Variants in ADSL observed in about 807,000 individuals in gnomAD.
ADSL encodes the protein adenylosuccinate lyase.
A neutral mutation model predicts 62.1 loss-of-function variants in ADSL; 44 were observed. The observed-to-expected ratio is 0.71, with a 90% CI of 0.56 to 0.91. The LOEUF (loss-of-function observed/expected upper bound fraction) is 0.91. ADSL is among the 40% of genes least tolerant of loss of function. The probability of loss-of-function intolerance (pLI) is 0.00; values close to 1 mark genes in which losing one functional copy is unlikely to be tolerated. For missense variants in ADSL, 531 were observed against 627.4 expected, an observed-to-expected ratio of 0.85 and a Z score of 1.64; for synonymous variants, 198 against 220.5, an observed-to-expected ratio of 0.90 and a Z score of 0.90.
At chr22:40,382,749 T>C (rs993425938) in intron 2 of ADSL, among the ~76,000 whole-genome samples, 1 of 152,234 alleles carries the variant, frequency 6.6e-6, no homozygotes, top group African/African-American at 2.4e-5. Flanking sequence ...CGTTATATTG[T>C]GTTAGCCCAT....
chr22:40,360,215 G>A (rs1213190210), intron 6 of ADSL, among the ~76,000 whole-genome samples, 187 bp from the exon 7 acceptor site: 5 of 152,168 alleles, frequency 3.3e-5, no homozygotes, highest in Non-Finnish European at 7.3e-5. Flanking sequence ...TTCCTTGTTT[G>A]ACAGAGTCAT....
downstream of ADSL, chr22:40,373,025 T>C (rs117688975): frequency 2.0e-5 from 3 of 152,320 alleles, no homozygotes; most frequent in East Asian, 3.9e-4. Context: ...CCATCACATA[T>C]TATACACAGA....
chr22:40,373,865 A>G (rs1289866113), downstream of ADSL, among the ~76,000 whole-genome samples: 2 of 151,442 alleles, frequency 1.3e-5, no homozygotes, highest in Non-Finnish European at 3.0e-5. Context: ...CCGCCCTCCT[A>G]GGCCTTCCAA....
At chr22:40,366,306 A>G in intron 12 of ADSL, 130 bp from the exon 13 acceptor site, 1 of 721,586 alleles carries the variant, frequency 1.4e-6, no homozygotes, top group Non-Finnish European at 2.4e-6. Flanking sequence ...CAGTTGAGGA[A>G]AACAAGCTCA....
At chr22:40,380,890 A>G (rs1242416925) in intron 2 of ADSL, among the ~76,000 whole-genome samples, 1 of 152,048 alleles carries the variant, frequency 6.6e-6, no homozygotes, top group Non-Finnish European at 1.5e-5. Flanking sequence ...AGCTGTGATC[A>G]CACCACTTCC....
At chr22:40,350,112 TGAG>T (rs777554821) in intron 2 of ADSL, 77 bp downstream of exon 2, 2 of 1,419,416 alleles carry the variant, frequency 1.4e-6, no homozygotes, top group South Asian at 1.2e-5. Flanking sequence ...GTTGTCCAGT[TGAG>T]GAAGTGACAC....
In ADSL at chr22:40,358,991, A is replaced by T; in HGVS notation, c.610A>T (p.Thr204Ser). 1 of 1,614,146 alleles carries T rather than the reference A, an allele frequency of 6.2e-7. No homozygotes were observed. The highest frequency in any genetic ancestry group is 8.5e-7 in the Non-Finnish European group (1 of 1,180,024). ...CCGGGGAGTAAAGGGTACCACTGGC[A>T]CTCAGGCCAGTTTCCTGCAGCTCTT... ...RFRGVKGTTG[T>S]QASFLQLFEG... Residue 204 changes from threonine to serine, a missense_variant, in exon 5 of 13, where the codon ACT becomes TCT. Physicochemically the swap from Thr to Ser is moderately conservative, Grantham distance 58 (BLOSUM62 1). This residue lies in a region of ADSL where 471 missense variants were observed against 592.9 expected (regional missense o/e 0.79). Coordinates refer to ENST00000623063, the MANE Select transcript of ADSL (RefSeq NM_000026.4).
chr22:40,352,774 C>T (rs981143263), intron 2 of ADSL, among the ~76,000 whole-genome samples: 3 of 152,192 alleles, frequency 2.0e-5, no homozygotes, highest in Non-Finnish European at 4.4e-5. Context: ...CCTGAGAATA[C>T]AGGCATGCGC....
intron 4 of ADSL, among the ~76,000 whole-genome samples, chr22:40,355,138 G>T (rs1204544526): frequency 6.6e-6 from 1 of 152,046 alleles, no homozygotes; most frequent in African/African-American, 2.4e-5. Flanking sequence ...TACTTTTTGA[G>T]TTTTGTTTTG....
chr22:40,352,995 T>A (rs2044407155), intron 2 of ADSL, 78 bp from the exon 3 acceptor site: 1 of 1,318,274 alleles, frequency 7.6e-7, no homozygotes, highest in Admixed American at 1.7e-5. Context: ...ACCCAGCCTT[T>A]CTGGCCAAAA....
intron 1 of ADSL, 34 bp downstream of exon 1, chr22:40,346,745 A>T: frequency 6.4e-7 from 1 of 1,564,776 alleles, no homozygotes; most frequent in South Asian, 1.2e-5. Context: ...CTGGGCCGGG[A>T]GGGACGGGCC....
In ADSL at chr22:40,366,902, G is replaced by C. The variant is rs978199800; in HGVS notation, c.*380G>C. The stretch of plus-strand genomic sequence containing the variant: ...AAAATAACCTGGACTCAGTGATTGA[G>C]TCAATGGTCAGATACCTTTTATTTC... On this transcript the variant is annotated 3_prime_UTR_variant, in exon 13 of 13. Coordinates refer to ENST00000623063, the MANE Select transcript of ADSL (RefSeq NM_000026.4). 21 of 244,948 alleles carry C rather than the reference G, an allele frequency of 8.6e-5. No homozygotes were observed. Among genetic ancestry groups the C allele is most frequent in the African/African-American group, 4.4e-4 (19 of 43,402 alleles). The allele number at this position is 244,948 out of a possible 1,614,324, so 15.2% of individuals were successfully genotyped here. A position where few individuals can be genotyped will look rare whatever the true frequency, so the allele number is the denominator to read the frequency against.
At chr22:40,355,390 A>G (rs2044514978) in intron 4 of ADSL, among the ~76,000 whole-genome samples, 1 of 152,076 alleles carries the variant, frequency 6.6e-6, no homozygotes, top group African/African-American at 2.4e-5. Flanking sequence ...TGATCTGCCC[A>G]CTTGAGATCC....
In ADSL at chr22:40,367,879, T is replaced by TA. The variant is rs2045049846; in HGVS notation, c.*1359dup. 6.6e-6 allele frequency: 1 copy of TA among 152,196 alleles called. No individual in the cohort carries two copies. The highest frequency in any genetic ancestry group is 2.4e-5 in the African/African-American group (1 of 41,436). The allele number at this position is 152,196 out of a possible 1,614,324, so 9.4% of individuals were successfully genotyped here. ...AAAAGTTAATAAAGATCAATGTAAA[T>TA]AAGTTAATCTTAAACTCAGTATGCA... On this transcript the variant is annotated 3_prime_UTR_variant, in exon 13 of 13. Coordinates refer to ENST00000623063, the MANE Select transcript of ADSL (RefSeq NM_000026.4).
At chr22:40,359,123 A>G (rs8192458) in intron 5 of ADSL, 88 bp downstream of exon 5, 2 of 1,592,448 alleles carry the variant, frequency 1.3e-6, no homozygotes, top group African/African-American at 2.7e-5. Context: ...GGAGAGATTG[A>G]CTGTGGGATG....
chr22:40,354,432 A>T, intron 4 of ADSL, 105 bp downstream of exon 4: 1 of 912,722 alleles, frequency 1.1e-6, no homozygotes, highest in Non-Finnish European at 1.8e-6. Flanking sequence ...TGAAAACATG[A>T]TTTAAATATA....
intron 1 of ADSL, among the ~76,000 whole-genome samples, chr22:40,349,237 G>A (rs951981032): frequency 1.3e-5 from 2 of 152,130 alleles, no homozygotes; most frequent in East Asian, 3.9e-4. Context: ...TTACATTGAA[G>A]TCAGGGAAGA....
intron 2 of ADSL, chr22:40,379,473 AAC>A (rs2047206664): frequency 6.6e-6 from 1 of 152,216 alleles, no homozygotes. Context: ...GTCCCTGTGT[AAC>A]ACAGCTAGTT....
At chr22:40,385,999 A>G (rs1216561210) in intron 2 of ADSL, among the ~76,000 whole-genome samples, 2 of 150,420 alleles carry the variant, frequency 1.3e-5, no homozygotes, top group Admixed American at 1.3e-4. Context: ...CTACAGGCGC[A>G]CGCCACCATG....
Sources: gnomAD v4.1 joint callset for allele counts (sites outside exome capture counted in the v4.1 genomes callset) on GRCh38, gnomAD v4.1.1 for gene constraint, gnomAD v4.1.1 regional missense constraint, MANE v1.5 for transcripts, NCBI Gene and HGNC (gene_info 2026-07-23, HGNC 2026-07-21) for gene names.